Variants in FCHSD2 observed in about 807,000 individuals in gnomAD.
FCHSD2 encodes F-BAR and double SH3 domains protein 2.
FCHSD2 carries 38 observed loss-of-function variants against 108.1 expected under a neutral mutation model. That is an observed-to-expected ratio of 0.35 (90% CI 0.27 to 0.46). The LOEUF is 0.46. FCHSD2 is among the 20% of genes least tolerant of loss of function. FCHSD2 has a pLI of 1.00. For missense variants in FCHSD2, 751 were observed against 897.8 expected (o/e 0.84, Z 2.09); for synonymous variants, 279 against 314.7 (o/e 0.89, Z 1.20).
chr11:73,125,422 A>G (rs926596925), intron 2 of FCHSD2, among the ~76,000 whole-genome samples: 6 of 152,098 alleles, frequency 3.9e-5, no homozygotes, highest in African/African-American at 1.4e-4. Context: ...TGCATGGTGT[A>G]GATCGAGTGT....
At chr11:72,991,996 G>T (rs879631086) in intron 5 of FCHSD2, among the ~76,000 whole-genome samples, 1 of 152,188 alleles carries the variant, frequency 6.6e-6, no homozygotes, top group Non-Finnish European at 1.5e-5. Flanking sequence ...TGACATGATT[G>T]TTTATTTAGA....
rs1555052099 is a variant in FCHSD2 at position 72,907,608 on chromosome 11, T to TTG, written c.829-4971_829-4970insCA. On this transcript the variant is annotated intron_variant, in intron 9 of 19. Transcript: ENST00000409418. Reference sequence around the variant, plus strand: ...TGAGATAATCACGTGGGTTTTTTTTTTTTTTTTTTTTCTTGAGACGGAGTC... The same window carrying TTG: ...TGAGATAATCACGTGGGTTTTTTTTTTGTTTTTTTTTTTCTTGAGACGGAGTC... Among the ~76,000 whole-genome samples the TTG allele has an allele frequency of 8.1e-5, 12 of 147,820 alleles. No individual in the cohort carries two copies. The South Asian group carries it at 1.1e-3, about 13-fold the overall frequency.
intron 2 of FCHSD2, among the ~76,000 whole-genome samples, chr11:73,132,688 G>A (rs1861029873): frequency 6.6e-6 from 1 of 152,030 alleles, no homozygotes; most frequent in Non-Finnish European, 1.5e-5. Context: ...GCTGGGCATG[G>A]TGGTGTGCAA....
rs141027363 is a variant in FCHSD2 at position 73,135,256 on chromosome 11, G to C, written c.119+4775C>G. On this transcript the variant is annotated intron_variant, in intron 2 of 19. Coordinates refer to ENST00000409418, the MANE Select transcript of FCHSD2 (RefSeq NM_014824.3). ...GCTTGGGAAACACAGATACAGGGGA[G>C]AGTACAGTAGTATGGAAATCAGGAC... 2.7e-4 allele frequency among the ~76,000 whole-genome samples: 41 copies of C among 152,364 alleles called. No individual in the cohort carries two copies. The East Asian group carries it at 7.9e-3, about 29-fold the overall frequency.
At chr11:73,073,337 A>G (rs1038469154) in intron 3 of FCHSD2, among the ~76,000 whole-genome samples, 2 of 152,250 alleles carry the variant, frequency 1.3e-5, no homozygotes, top group Non-Finnish European at 2.9e-5. Context: ...CACAAACCAT[A>G]CTTAAAAATA....
chr11:73,064,815 C>A (rs897177139), intron 3 of FCHSD2, among the ~76,000 whole-genome samples: 2 of 152,056 alleles, frequency 1.3e-5, no homozygotes, highest in Admixed American at 1.3e-4. Context: ...AGAAAGAAGT[C>A]GAATCCTTGA....
intron 2 of FCHSD2, among the ~76,000 whole-genome samples, chr11:73,091,213 C>T (rs1420786358): frequency 6.6e-6 from 1 of 152,270 alleles, no homozygotes; most frequent in Non-Finnish European, 1.5e-5. Flanking sequence ...GATAATGCTG[C>T]TATCCACATT....
chr11:72,889,985 C>T, intron 10 of FCHSD2, 40 bp from the exon 11 acceptor site: 1 of 1,297,358 alleles, frequency 7.7e-7, no homozygotes, highest in Non-Finnish European at 1.1e-6. Flanking sequence ...ATATTGCTAT[C>T]CTTATTGTAA....
At chr11:72,986,371 A>C (rs967964145) in intron 6 of FCHSD2, among the ~76,000 whole-genome samples, 2 of 151,858 alleles carry the variant, frequency 1.3e-5, no homozygotes, top group African/African-American at 4.8e-5. Context: ...CACCACGCCC[A>C]GCTAATTTTT....
At chr11:72,893,516 A>C (rs1194249273) in intron 10 of FCHSD2, among the ~76,000 whole-genome samples, 1 of 151,562 alleles carries the variant, frequency 6.6e-6, no homozygotes, top group Non-Finnish European at 1.5e-5. Context: ...AGATCTCACT[A>C]TGTTGCCTAG....
chr11:72,961,906 C>T (rs575078748), intron 8 of FCHSD2, among the ~76,000 whole-genome samples: 16 of 152,266 alleles, frequency 1.1e-4, no homozygotes, highest in Non-Finnish European at 2.1e-4. Flanking sequence ...GTAAATGCCA[C>T]ATTTCGTAAC....
At chr11:72,983,034 C>A (rs1261445637) in intron 8 of FCHSD2, among the ~76,000 whole-genome samples, 3 of 152,076 alleles carry the variant, frequency 2.0e-5, no homozygotes, top group Non-Finnish European at 4.4e-5. Flanking sequence ...GTGGCTCATG[C>A]CTGTAATCCC....
chr11:72,911,951 T>A (rs1855772993), intron 9 of FCHSD2, among the ~76,000 whole-genome samples: 1 of 152,250 alleles, frequency 6.6e-6, no homozygotes, highest in Admixed American at 6.5e-5. Flanking sequence ...TTTTTCAGAA[T>A]GCTTACTGTT....
chr11:73,000,800 A>C (rs1309331176), intron 5 of FCHSD2, among the ~76,000 whole-genome samples, 190 bp downstream of exon 5: 2 of 152,246 alleles, frequency 1.3e-5, no homozygotes, highest in African/African-American at 2.4e-5. Context: ...TTTGAATTAC[A>C]TTCATTTTTA....
intron 9 of FCHSD2, among the ~76,000 whole-genome samples, chr11:72,918,770 T>C (rs1327336988): frequency 2.0e-5 from 3 of 152,198 alleles, no homozygotes; most frequent in Non-Finnish European, 4.4e-5. Context: ...TTCTGAATTC[T>C]TAAATGAACT....
chr11:73,100,300 AAAGG>A (rs1408141793), intron 2 of FCHSD2, among the ~76,000 whole-genome samples: 2 of 152,002 alleles, frequency 1.3e-5, no homozygotes, highest in Non-Finnish European at 1.5e-5. Flanking sequence ...GAGTGCCTTA[AAAGG>A]AAGGCACTGA....
At position 72,902,606 on chromosome 11, in the gene FCHSD2, CAAA is replaced by C. The variant is rs777314688; in HGVS notation, c.858_860del (p.Phe286del). 1.3e-6 allele frequency: 2 copies of C among 1,581,966 alleles called. No individual in the cohort carries two copies. The highest frequency in any genetic ancestry group is 8.6e-7 in the Non-Finnish European group (1 of 1,163,068). On this transcript the variant is annotated inframe_deletion, in exon 10 of 20. Transcript: ENST00000409418. ...GTTTGTGAAATACAGCGTTTTCTTG[CAAA>C]AACAGCTGAAGATTGTAGTCCCGGA...
At chr11:72,915,418 A>C (rs1399247141) in intron 9 of FCHSD2, among the ~76,000 whole-genome samples, 2 of 152,222 alleles carry the variant, frequency 1.3e-5, no homozygotes. Context: ...AGGAATATAC[A>C]TTGTTCTATT....
chr11:72,906,120 C>G (rs565454670), intron 9 of FCHSD2, among the ~76,000 whole-genome samples: 1 of 151,788 alleles, frequency 6.6e-6, no homozygotes, highest in Non-Finnish European at 1.5e-5. Flanking sequence ...TTTTAATGAT[C>G]GCCATTCTGT....
Sources: gnomAD v4.1 joint callset for allele counts (sites outside exome capture counted in the v4.1 genomes callset) on GRCh38, gnomAD v4.1.1 for gene constraint, MANE v1.5 for transcripts, NCBI Gene and HGNC (gene_info 2026-07-23, HGNC 2026-07-21) for gene names.